The following NOTCH1 variants were observed in gnomAD, a reference collection of about 807,000 sequenced individuals.
NOTCH1 encodes neurogenic locus notch homolog protein 1.
A neutral mutation model predicts 254.8 loss-of-function variants in NOTCH1; 37 were observed. The observed-to-expected ratio is 0.15, with a 90% CI of 0.11 to 0.19. NOTCH1 has a LOEUF of 0.19. Among genes scored for constraint, NOTCH1 ranks in the 10% least tolerant of loss-of-function variants. The pLI, the probability that NOTCH1 is intolerant of heterozygous loss-of-function variation, is 1.00. For missense variants in NOTCH1, 2,972 were observed against 3,708.6 expected (o/e 0.80, Z 5.16); for synonymous variants, 1,731 against 1,618.1 (o/e 1.07, Z -1.68).
intron 31 of NOTCH1, 59 bp from the exon 32 acceptor site, chr9:136,499,318 C>T (rs1842962432): frequency 7.5e-6 from 12 of 1,594,352 alleles, no homozygotes; most frequent in Middle Eastern, 1.8e-4. Flanking sequence ...ATGCCTCCTG[C>T]CCAGAACGAA....
intron 2 of NOTCH1, among the ~76,000 whole-genome samples, chr9:136,528,422 G>GCCTCTCC: frequency 9.9e-6 from 1 of 100,976 alleles, no homozygotes; most frequent in Non-Finnish European, 2.4e-5. Context: ...CAGTGCGGGG[G>GCCTCTCC]GGATGGGCAG....
At chr9:136,530,529 A>C (rs1407199614) in intron 2 of NOTCH1, among the ~76,000 whole-genome samples, 2 of 152,172 alleles carry the variant, frequency 1.3e-5, no homozygotes, top group Non-Finnish European at 2.9e-5. Flanking sequence ...CCCTCCCCAA[A>C]ATGCCAAGAC....
At chr9:136,508,524 T>G in intron 19 of NOTCH1, 139 bp from the exon 20 acceptor site, 2 of 1,239,274 alleles carry the variant, frequency 1.6e-6, no homozygotes, top group Non-Finnish European at 2.3e-6. Context: ...GCCCCTGGAC[T>G]CCCCACCACC....
At chr9:136,536,195 T>C (rs1843654722) in intron 2 of NOTCH1, among the ~76,000 whole-genome samples, 1 of 152,118 alleles carries the variant, frequency 6.6e-6, no homozygotes, top group Non-Finnish European at 1.5e-5. Flanking sequence ...CACGCACGCA[T>C]CCTCCCGACA....
intron 2 of NOTCH1, among the ~76,000 whole-genome samples, chr9:136,533,327 A>AGCCACGGC (rs1233515266): frequency 9.4e-4 from 45 of 47,736 alleles, no homozygotes; most frequent in Admixed American, 1.2e-3. Flanking sequence ...AGCATCTCTT[A>AGCCACGGC]CTGAAAAGCC....
At position 136,522,838 on chromosome 9, in the gene NOTCH1, G is replaced by T. The variant is rs1303732934; in HGVS notation, c.742+12C>A. The T allele has an allele frequency of 1.4e-6, 2 of 1,476,272 alleles. No individual in the cohort carries two copies. Among genetic ancestry groups the T allele is most frequent in the Non-Finnish European group, 9.0e-7 (1 of 1,113,414 alleles). 91.4% of individuals were successfully genotyped at this position (1,476,272 alleles called of 1,614,324 possible). A position where few individuals can be genotyped will look rare whatever the true frequency, so the allele number is the denominator to read the frequency against. ...GAGGGGCTCGTGCACCCCGGCCAGC[G>T]GGCAGCACTACCTGGCAGGCAGGCA... On this transcript the variant is annotated intron_variant, in intron 4 of 33. Transcript: ENST00000651671.
chr9:136,526,671 C>T (rs140255007), intron 2 of NOTCH1, among the ~76,000 whole-genome samples: 5 of 152,354 alleles, frequency 3.3e-5, no homozygotes, highest in African/African-American at 4.8e-5. Flanking sequence ...GCCCGGACAC[C>T]GGGCCCCACT....
rs1842984351 is a variant in NOTCH1, at chr9:136,500,857, C to CAG, written c.5639-12_5639-11dup. On this transcript the variant is annotated splice_polypyrimidine_tract_variant and intron_variant, in intron 30 of 33. Coordinates refer to ENST00000651671, the MANE Select transcript of NOTCH1 (RefSeq NM_017617.5). Reference sequence around the variant, plus strand: ...AGCGGGGTGAAGCCATCTGCAGAGGCAGAGACGGGTGCTCAGTCTGGAGGG... The same window carrying CAG: ...AGCGGGGTGAAGCCATCTGCAGAGGCAGAGAGACGGGTGCTCAGTCTGGAGGG... 6.3e-7 allele frequency: 1 copy of CAG among 1,582,764 alleles called. No individual in the cohort carries two copies. The highest frequency in any genetic ancestry group is 8.5e-7 in the Non-Finnish European group (1 of 1,172,442).
At chr9:136,511,034 T>A in intron 16 of NOTCH1, 118 bp downstream of exon 16, 1 of 1,503,508 alleles carries the variant, frequency 6.7e-7, no homozygotes, top group East Asian at 2.3e-5. Context: ...GACCAGGGCC[T>A]CCTCAGCACC....
chr9:136,533,321 T>C (rs1843591144), intron 2 of NOTCH1, among the ~76,000 whole-genome samples: 45 of 127,442 alleles, frequency 3.5e-4, no homozygotes, highest in Admixed American at 4.6e-4. Context: ...AGCTCAAGCA[T>C]CTCTTACTGA....
intron 2 of NOTCH1, among the ~76,000 whole-genome samples, chr9:136,539,766 T>A (rs1843705265): frequency 6.6e-6 from 1 of 152,192 alleles, no homozygotes. Flanking sequence ...AGAATCAACC[T>A]GTTCCTCCCC....
intron 2 of NOTCH1, among the ~76,000 whole-genome samples, chr9:136,526,873 G>T (rs1238967983): frequency 6.6e-6 from 1 of 152,230 alleles, no homozygotes; most frequent in Non-Finnish European, 1.5e-5. Context: ...CTCCCAGCGG[G>T]TGGGGCAGGA....
rs527629646 is a variant in NOTCH1, at chr9:136,498,754, T to C, written c.6180+145A>G. On this transcript the variant is annotated intron_variant, in intron 33 of 33. Transcript: ENST00000651671. ...GAGCACTAACGAGGTGCCCGCATCA[T>C]GCGGGTGGGGCCCACATGCGGGCCC... 2.9e-5 allele frequency: 26 copies of C among 891,974 alleles called. No individual in the cohort carries two copies. In the East Asian group the frequency reaches 3.9e-4, roughly 14 times the overall value. 55.3% of individuals were successfully genotyped at this position (891,974 alleles called of 1,614,324 possible).
At chr9:136,502,174 G>T (rs1843008242) in intron 28 of NOTCH1, 86 bp from the exon 29 acceptor site, 1 of 1,579,626 alleles carries the variant, frequency 6.3e-7, no homozygotes, top group African/African-American at 1.3e-5. Context: ...GGCGTGGGAG[G>T]TGGGCCCTGG....
At chr9:136,523,634 T>C in intron 3 of NOTCH1, 83 bp downstream of exon 3, 1 of 1,518,502 alleles carries the variant, frequency 6.6e-7, no homozygotes, top group Non-Finnish European at 8.9e-7. Context: ...CGGGCCTGGA[T>C]CCCGCCAAGT....
At chr9:136,512,908 C>CCG in intron 15 of NOTCH1, 113 bp downstream of exon 15, 1 of 417,250 alleles carries the variant, frequency 2.4e-6, no homozygotes. Context: ...TCCCAGGCCG[C>CCG]CCCCACCCCT....
At chr9:136,542,521 A>T (rs1357963343) in intron 2 of NOTCH1, among the ~76,000 whole-genome samples, 2 of 134,394 alleles carry the variant, frequency 1.5e-5, no homozygotes, top group Non-Finnish European at 3.1e-5. Flanking sequence ...GCTTCTGCAG[A>T]GGGAGAAGGG....
At position 136,540,624 on chromosome 9, in the gene NOTCH1, C is replaced by T. The variant is rs1419541245; in HGVS notation, c.140+3400G>A. On this transcript the variant is annotated intron_variant, in intron 2 of 33. Coordinates refer to ENST00000651671, the MANE Select transcript of NOTCH1 (RefSeq NM_017617.5). This position sits in a 1 kb window ranked among gnomAD's most constrained non-coding sequence, Gnocchi z 4.4. ...CCAAGAGATCCAGCGTGTATCAGCC[C>T]GGCTGACATGCTGGGGAAACTGAGG... Among the ~76,000 whole-genome samples, 3 of 152,064 alleles carry T rather than the reference C, an allele frequency of 2.0e-5. No homozygotes were observed. The highest frequency in any genetic ancestry group is 3.8e-4 in the East Asian group (2 of 5,198).
chr9:136,535,323 C>T (rs1028363010), intron 2 of NOTCH1, among the ~76,000 whole-genome samples: 2 of 152,042 alleles, frequency 1.3e-5, no homozygotes, highest in African/African-American at 2.4e-5. Context: ...CGGAGAGGGC[C>T]CTGTTTAACC....
Sources: gnomAD v4.1 joint callset for allele counts (sites outside exome capture counted in the v4.1 genomes callset) on GRCh38, gnomAD v4.1.1 for gene constraint, Gnocchi (gnomAD v3.1) non-coding constraint, MANE v1.5 for transcripts, NCBI Gene and HGNC (gene_info 2026-07-23, HGNC 2026-07-21) for gene names.